The following PARD3 variants were observed in gnomAD, a reference collection of about 807,000 sequenced individuals.
The protein encoded by PARD3 is par-3 family cell polarity regulator.
PARD3 carries 75 observed loss-of-function variants against 155.4 expected under a neutral mutation model. That is an observed-to-expected ratio of 0.48 (90% confidence interval 0.40 to 0.58). The LOEUF (loss-of-function observed/expected upper bound fraction) is 0.58, where lower values mean the gene tolerates loss of function less well. Among genes scored for constraint, PARD3 ranks in the 20% least tolerant of loss-of-function variants. The probability of loss-of-function intolerance (pLI) is 0.00; values close to 1 mark genes in which losing one functional copy is unlikely to be tolerated. For synonymous variants in PARD3, 576 were observed against 610.5 expected (o/e 0.94, Z 0.83); for missense variants, 1,642 against 1,721.7 (o/e 0.95, Z 0.82).
intron 2 of PARD3, among the ~76,000 whole-genome samples, chr10:34,544,426 T>C (rs113788882): frequency 5.2e-4 from 79 of 152,330 alleles, no homozygotes; most frequent in African/African-American, 1.1e-3. Flanking sequence ...TATGGCACTA[T>C]ATAATATCAA....
intron 2 of PARD3, among the ~76,000 whole-genome samples, chr10:34,542,608 T>C (rs1335239634): frequency 6.6e-6 from 1 of 152,234 alleles, no homozygotes; most frequent in Non-Finnish European, 1.5e-5. Context: ...TATGGATTTA[T>C]ATGTGCATTG....
In PARD3 at chr10:34,111,368, T is replaced by C. The variant is rs1188343758; in HGVS notation, c.3863A>G (p.Gln1288Arg). Reference protein sequence around the residue: ...LETQELLRQEQRRKEQQMKKQ... With the variant: ...LETQELLRQERRRKEQQMKKQ... ...CTTCATCTGCTGCTCCTTCCGCCTC[T>C]GTTCCTGGCGAAGGAGCTCCTGAGT... Residue 1288 changes from glutamine (Q) to arginine (R), a missense_variant, in exon 25 of 25, where the codon CAG (glutamine) becomes CGG (arginine). Transcript: ENST00000374788. The C allele has an allele frequency of 6.2e-7, 1 of 1,614,118 alleles. No homozygotes were observed. The highest frequency in any genetic ancestry group is 1.1e-5 in the South Asian group (1 of 91,082).
At position 34,814,934 on chromosome 10, in the gene PARD3, A is replaced by G. The variant is rs1844723304; in HGVS notation, c.62T>C (p.Met21Thr). 9 of 1,564,380 alleles carry G rather than the reference A, an allele frequency of 5.8e-6. No homozygotes were observed. The highest frequency in any genetic ancestry group is 7.8e-6 in the Non-Finnish European group (9 of 1,157,560). ...CTGCTGGATGAGGCTGAAAACTTTCATGTGGCCGTCCCCGCACGGCACGAC... is the reference window on the plus strand; with the variant it reads ...CTGCTGGATGAGGCTGAAAACTTTCGTGTGGCCGTCCCCGCACGGCACGAC... ...RVVVPCGDGH[M>T]KVFSLIQQAV... The change falls in exon 1 of 25, where the codon ATG becomes ACG. Residue 21 changes from methionine to threonine, a missense_variant. Coordinates refer to ENST00000374788, the MANE Select transcript of PARD3 (RefSeq NM_001184785.2).
intron 1 of PARD3, among the ~76,000 whole-genome samples, chr10:34,709,366 A>G (rs756065759): frequency 2.0e-5 from 3 of 152,322 alleles, no homozygotes; most frequent in Non-Finnish European, 4.4e-5. Flanking sequence ...CCAATTTGGG[A>G]GCATTTCATA....
chr10:34,559,451 GAAAAAAAA>G (rs10568249), intron 2 of PARD3, among the ~76,000 whole-genome samples: 1 of 135,940 alleles, frequency 7.4e-6, no homozygotes, highest in Non-Finnish European at 1.7e-5. Flanking sequence ...AAAAAAAAAT[GAAAAAAAA>G]AAAAAGAAAA....
rs1589298969 is a variant in PARD3 at position 34,360,029 on chromosome 10, AT to A, written c.1896+41del. ...AAATAGGAACAGGGTTGAAATTAAA[AT>A]TTTTGTTAATAGGCATACGCATGAT... On this transcript the variant is annotated intron_variant, in intron 13 of 24. Transcript: ENST00000374788. 3 of 1,492,396 alleles carry A rather than the reference AT, an allele frequency of 2.0e-6. No homozygotes were observed. In the East Asian group the frequency reaches 6.8e-5, roughly 34 times the overall value. The allele number at this position is 1,492,396 out of a possible 1,614,324, so 92.4% of individuals were successfully genotyped here. A position where few individuals can be genotyped will look rare whatever the true frequency, so the allele number is the denominator to read the frequency against.
At chr10:34,747,398 G>T (rs1835450878) in intron 1 of PARD3, among the ~76,000 whole-genome samples, 1 of 152,038 alleles carries the variant, frequency 6.6e-6, no homozygotes, top group Non-Finnish European at 1.5e-5. Flanking sequence ...ACCACACAAG[G>T]TTATGTATTT....
In PARD3 at chr10:34,577,865, T is replaced by TA. The variant is rs1472170290; in HGVS notation, c.223-60707dup. On this transcript the variant is annotated intron_variant, in intron 2 of 24. Coordinates refer to ENST00000374788, the MANE Select transcript of PARD3 (RefSeq NM_001184785.2). ...CTAGAATAAACTTTTTTTTTTTTTT[T>TA]AAACAGACAGGGGTCTCACTCTGTC... Among the ~76,000 whole-genome samples, 3 of 151,378 alleles carry TA rather than the reference T, an allele frequency of 2.0e-5. No individual in the cohort carries two copies. The East Asian group carries it at 5.8e-4, about 29-fold the overall frequency.
At chr10:34,813,787 G>A (rs899470053) in intron 1 of PARD3, among the ~76,000 whole-genome samples, 1 of 152,166 alleles carries the variant, frequency 6.6e-6, no homozygotes, top group Admixed American at 6.5e-5. Context: ...AGCCCACAGG[G>A]GCCAGGCCAC....
chr10:34,646,905 G>A (rs1483776028), intron 2 of PARD3, among the ~76,000 whole-genome samples: 2 of 152,050 alleles, frequency 1.3e-5, no homozygotes, highest in African/African-American at 4.8e-5. Context: ...GCCCAGGCTT[G>A]CATGCACTTT....
intron 18 of PARD3, among the ~76,000 whole-genome samples, chr10:34,334,404 G>A (rs1490524901): frequency 6.7e-6 from 1 of 149,222 alleles, no homozygotes; most frequent in South Asian, 2.1e-4. Flanking sequence ...AGAGGGAAAT[G>A]TAATTCAATT....
chr10:34,117,574 C>T (rs2132662618), intron 24 of PARD3, among the ~76,000 whole-genome samples: 1 of 152,280 alleles, frequency 6.6e-6, no homozygotes, highest in South Asian at 2.1e-4. Context: ...CTTCTAAATG[C>T]TGAGGGCAGG....
chr10:34,136,038 T>C (rs1158444685), intron 22 of PARD3, among the ~76,000 whole-genome samples: 1 of 152,220 alleles, frequency 6.6e-6, no homozygotes, highest in African/African-American at 2.4e-5. Flanking sequence ...CTTTTGAAAT[T>C]CTAGGTAAGC....
At chr10:34,480,622 T>C (rs2079014099) in intron 3 of PARD3, among the ~76,000 whole-genome samples, 1 of 152,140 alleles carries the variant, frequency 6.6e-6, no homozygotes, top group South Asian at 2.1e-4. Flanking sequence ...TCATCCACTC[T>C]AGACACACAC....
At chr10:34,136,726 C>T (rs1947918330) in intron 22 of PARD3, among the ~76,000 whole-genome samples, 1 of 152,100 alleles carries the variant, frequency 6.6e-6, no homozygotes, top group African/African-American at 2.4e-5. Flanking sequence ...CTCTTCTTTC[C>T]CTTCCATCTT....
At chr10:34,140,503 AC>A (rs988615723) in intron 22 of PARD3, among the ~76,000 whole-genome samples, 2 of 152,210 alleles carry the variant, frequency 1.3e-5, no homozygotes, top group African/African-American at 4.8e-5. Flanking sequence ...CTAAAATGTC[AC>A]AGAAAAGCAA....
chr10:34,658,817 A>G (rs76643003), intron 2 of PARD3, among the ~76,000 whole-genome samples: 1,930 of 152,274 alleles, frequency 0.013, 15 homozygotes, highest in Middle Eastern at 0.034. Context: ...CAGCTGAGAA[A>G]TAACAACTTA....
intron 5 of PARD3, 103 bp from the exon 6 acceptor site, chr10:34,402,020 T>G: frequency 1.1e-6 from 1 of 882,344 alleles, no homozygotes; most frequent in Non-Finnish European, 1.9e-6. Flanking sequence ...CATTATGATC[T>G]TGGTAACTGT....
rs186594095 is a variant in PARD3, at chr10:34,515,782, T to A, written c.403+1197A>T. On this transcript the variant is annotated intron_variant, in intron 3 of 24. Transcript: ENST00000374788. ...TGCATTTTTAGAAGAATAAATTATATATTCTAAATATTATCTACCTATATT... is the reference window on the plus strand; with the variant it reads ...TGCATTTTTAGAAGAATAAATTATAAATTCTAAATATTATCTACCTATATT... Among the ~76,000 whole-genome samples, 370 of 152,140 alleles carry A rather than the reference T, an allele frequency of 2.4e-3. 1 individual carries two copies. The highest frequency in any genetic ancestry group is 3.8e-3 in the Non-Finnish European group (258 of 67,992).
Sources: gnomAD v4.1 joint callset for allele counts (sites outside exome capture counted in the v4.1 genomes callset) on GRCh38, gnomAD v4.1.1 for gene constraint, MANE v1.5 for transcripts, NCBI Gene and HGNC (gene_info 2026-07-23, HGNC 2026-07-21) for gene names.